Variants in SOX5 observed in about 807,000 individuals in gnomAD.
SOX5 encodes the protein SRY-box transcription factor 5.
A neutral mutation model predicts 92.0 loss-of-function variants in SOX5; 9 were observed. The ratio of observed to expected loss-of-function variants is 0.10; its 90% CI spans 0.06 to 0.17. SOX5 has a LOEUF of 0.17. Ranked by LOEUF, SOX5 falls within the 10% of genes least tolerant of loss-of-function variation. The probability of loss-of-function intolerance (pLI) is 1.00; values close to 1 mark genes in which losing one functional copy is unlikely to be tolerated. For missense variants in SOX5, 642 were observed against 944.5 expected, an observed-to-expected ratio of 0.68 and a Z score of 4.20; for synonymous variants, 344 against 336.3, an observed-to-expected ratio of 1.02 and a Z score of -0.25.
chr12:23,752,505 G>A (rs1047646212), intron 4 of SOX5, among the ~76,000 whole-genome samples: 4 of 151,798 alleles, frequency 2.6e-5, no homozygotes, highest in Non-Finnish European at 4.4e-5. Flanking sequence ...AGTTAAAGCC[G>A]ACATGGATCC....
intron 2 of SOX5, among the ~76,000 whole-genome samples, chr12:24,277,916 T>C (rs1944683702): frequency 6.6e-6 from 1 of 152,152 alleles, no homozygotes; most frequent in Admixed American, 6.5e-5. Context: ...TTTCTCTGAG[T>C]GCCGTGCTCA....
chr12:24,473,652 A>C (rs1021040532), intron 1 of SOX5, among the ~76,000 whole-genome samples: 1 of 152,256 alleles, frequency 6.6e-6, no homozygotes, highest in Non-Finnish European at 1.5e-5. Context: ...CTGTTGAACA[A>C]ATTCAAATAA....
chr12:23,562,239 C>T (rs746820052), intron 11 of SOX5, among the ~76,000 whole-genome samples: 11 of 152,130 alleles, frequency 7.2e-5, no homozygotes, highest in Non-Finnish European at 1.3e-4. Context: ...GAATTGAAAT[C>T]GTTTCTCCAT....
At chr12:23,902,021 G>C (rs184411947) in intron 1 of SOX5, among the ~76,000 whole-genome samples, 1 of 152,088 alleles carries the variant, frequency 6.6e-6, no homozygotes. Flanking sequence ...TATAGCTCTA[G>C]TTAAAAATGT....
intron 4 of SOX5, among the ~76,000 whole-genome samples, chr12:24,013,809 T>G (rs907420639): frequency 1.3e-5 from 2 of 152,236 alleles, no homozygotes; most frequent in Admixed American, 6.5e-5. Context: ...AATGCTGTAG[T>G]TTAAATGGTT....
intron 3 of SOX5, among the ~76,000 whole-genome samples, chr12:23,800,114 G>A (rs2142128924): frequency 6.6e-6 from 1 of 152,044 alleles, no homozygotes; most frequent in East Asian, 1.9e-4. Context: ...GTCAAACACA[G>A]CCCATGGGCC....
intron 1 of SOX5, among the ~76,000 whole-genome samples, chr12:24,438,702 A>G (rs538572416): frequency 1.3e-5 from 2 of 152,332 alleles, no homozygotes; most frequent in South Asian, 4.1e-4. Context: ...GATATAGTGG[A>G]AATAGCAAGA....
chr12:23,689,926 G>A (rs142079906), intron 6 of SOX5, among the ~76,000 whole-genome samples: 11 of 152,174 alleles, frequency 7.2e-5, no homozygotes, highest in Non-Finnish European at 1.0e-4. Flanking sequence ...TTTCAGATTC[G>A]CATATATACA....
At chr12:23,970,231 T>A (rs199688879) in intron 4 of SOX5, among the ~76,000 whole-genome samples, 1 of 32,738 alleles carries the variant, frequency 3.1e-5, no homozygotes, top group Non-Finnish European at 5.5e-5. Flanking sequence ...AGCTGACTTC[T>A]TTTTTTTTTG....
At chr12:24,025,359 G>C (rs1468848038) in intron 4 of SOX5, among the ~76,000 whole-genome samples, 1 of 151,984 alleles carries the variant, frequency 6.6e-6, no homozygotes, top group Non-Finnish European at 1.5e-5. Context: ...TCATGCAAAA[G>C]GTTTGAAGGT....
intron 4 of SOX5, among the ~76,000 whole-genome samples, chr12:24,208,127 A>G (rs1402445113): frequency 2.4e-4 from 36 of 152,136 alleles, no homozygotes; most frequent in Non-Finnish European, 1.5e-5. Flanking sequence ...TTCTGCTTGT[A>G]TCTGCACCCT....
chr12:23,706,320 C>A (rs1043909322), intron 6 of SOX5, among the ~76,000 whole-genome samples: 2 of 151,844 alleles, frequency 1.3e-5, no homozygotes, highest in African/African-American at 4.8e-5. Context: ...GAACTAAGAA[C>A]CAAATGTTAT....
At chr12:24,484,265 G>A (rs1488371660) in intron 1 of SOX5, among the ~76,000 whole-genome samples, 1 of 152,134 alleles carries the variant, frequency 6.6e-6, no homozygotes, top group Non-Finnish European at 1.5e-5. Flanking sequence ...TTACTAGGAA[G>A]GCATAATTTT....
At position 23,584,518 on chromosome 12, in the gene SOX5, T is replaced by C. The variant is rs1237899636; in HGVS notation, c.1165-8680A>G. The C allele has an allele frequency of 6.0e-6, 9 of 1,500,446 alleles. No individual in the cohort carries two copies. The Admixed American group carries it at 1.5e-4, about 25-fold the overall frequency. 92.9% of individuals were successfully genotyped at this position (1,500,446 alleles called of 1,614,324 possible). On this transcript the variant is annotated intron_variant, in intron 9 of 14. Coordinates refer to ENST00000451604, the MANE Select transcript of SOX5 (RefSeq NM_006940.6). ...TTATTACGAGCTCCAATTAATTACA[T>C]CAAAGAGTCATTCCCAGTGCTCACA...
At chr12:23,620,026 A>T (rs1231011514) in intron 8 of SOX5, among the ~76,000 whole-genome samples, 2 of 152,190 alleles carry the variant, frequency 1.3e-5, no homozygotes, top group Non-Finnish European at 2.9e-5. Flanking sequence ...ATACTACAAA[A>T]TAGAAGTATA....
intron 4 of SOX5, among the ~76,000 whole-genome samples, chr12:24,128,058 G>A (rs771145510): frequency 2.1e-4 from 32 of 152,178 alleles, no homozygotes; most frequent in Non-Finnish European, 3.8e-4. Context: ...CCTCCTGTAA[G>A]CATTCAACCT....
In SOX5 at chr12:23,674,407, G is replaced by T. The variant is rs373131643; in HGVS notation, c.811-8843C>A. The stretch of plus-strand genomic sequence containing the variant: ...GGCTGGAGTGCATCAGCACGATCTC[G>T]GCTCTCTGCAACCTCCGCCTCCCGG... On this transcript the variant is annotated intron_variant, in intron 6 of 14. Coordinates refer to ENST00000451604, the MANE Select transcript of SOX5 (RefSeq NM_006940.6). Among the ~76,000 whole-genome samples, 28 of 127,660 alleles carry T rather than the reference G, an allele frequency of 2.2e-4. No individual in the cohort carries two copies. The Admixed American group carries it at 3.0e-3, about 14-fold the overall frequency. The allele number at this position is 127,660 out of a possible 152,430, so 83.7% of individuals were successfully genotyped here. A position where few individuals can be genotyped will look rare whatever the true frequency, so the allele number is the denominator to read the frequency against.
At chr12:24,526,006 G>T (rs953660465) in intron 1 of SOX5, among the ~76,000 whole-genome samples, 2 of 152,024 alleles carry the variant, frequency 1.3e-5, no homozygotes, top group Non-Finnish European at 2.9e-5. Context: ...AAGTAGCTGG[G>T]ACCACAAGCA....
Position 23,846,084 on chromosome 12 carries a change from G to A in SOX5, c.380C>T (p.Thr127Ile), listed in dbSNP as rs1568295158. Residue 127 changes from threonine to isoleucine, a missense_variant, in exon 3 of 15, where the codon ACA (threonine) becomes ATA (isoleucine). Thr to Ile is a moderately conservative substitution (Grantham distance 89, BLOSUM62 -1). Transcript: ENST00000451604. ...GCGCCGTTCAGGAGTTCCCAGGGCTGTACTAGACAAGGACTCGCCACTCTG... is the reference window on the plus strand; with the variant it reads ...GCGCCGTTCAGGAGTTCCCAGGGCTATACTAGACAAGGACTCGCCACTCTG... ...GRQSGESLSS[T>I]ALGTPERRKG... is the part of the protein sequence containing the mutation. The A allele has an allele frequency of 6.2e-7, 1 of 1,613,974 alleles. No individual in the cohort carries two copies. Among genetic ancestry groups the A allele is most frequent in the Non-Finnish European group, 8.5e-7 (1 of 1,180,000 alleles).
Sources: gnomAD v4.1 joint callset for allele counts (sites outside exome capture counted in the v4.1 genomes callset) on GRCh38, gnomAD v4.1.1 for gene constraint, MANE v1.5 for transcripts, NCBI Gene and HGNC (gene_info 2026-07-23, HGNC 2026-07-21) for gene names.